Variants in MOB3B observed in about 807,000 individuals in gnomAD.
The protein encoded by MOB3B is MOB kinase activator 3B.
MOB3B carries 7 observed loss-of-function variants against 18.7 expected under a neutral mutation model. The observed-to-expected ratio is 0.37, with a 90% CI of 0.21 to 0.70. The LOEUF (loss-of-function observed/expected upper bound fraction) is 0.70, where lower values mean the gene tolerates loss of function less well. MOB3B is among the 30% of genes least tolerant of loss of function. The probability of loss-of-function intolerance (pLI) is 0.52; values close to 1 mark genes in which losing one functional copy is unlikely to be tolerated. For synonymous variants in MOB3B, 111 were observed against 99.9 expected (o/e 1.11, Z -0.66); for missense variants, 253 against 281.3 (o/e 0.90, Z 0.72).
chr9:27,402,902 G>A (rs376247558), intron 2 of MOB3B, among the ~76,000 whole-genome samples: 12 of 152,354 alleles, frequency 7.9e-5, no homozygotes, highest in African/African-American at 2.6e-4. Flanking sequence ...ATTGTGCGAT[G>A]AGCCTTTAGC....
chr9:27,445,509 C>T (rs185278260), intron 2 of MOB3B, among the ~76,000 whole-genome samples: 84 of 152,264 alleles, frequency 5.5e-4, no homozygotes, highest in African/African-American at 2.0e-3. Flanking sequence ...TCTGGTACCT[C>T]GTTGACACAT....
chr9:27,515,633 G>A (rs1263791855), intron 1 of MOB3B, among the ~76,000 whole-genome samples: 2 of 152,146 alleles, frequency 1.3e-5, no homozygotes, highest in African/African-American at 4.8e-5. Flanking sequence ...GACAATGTCT[G>A]GCTTATCATG....
chr9:27,374,670 T>C (rs1821466871), intron 2 of MOB3B, among the ~76,000 whole-genome samples: 1 of 152,092 alleles, frequency 6.6e-6, no homozygotes, highest in Non-Finnish European at 1.5e-5. Context: ...CACAGGACTG[T>C]CTTCTTTGGA....
At chr9:27,450,019 C>G (rs186863361) in intron 2 of MOB3B, among the ~76,000 whole-genome samples, 1 of 151,400 alleles carries the variant, frequency 6.6e-6, no homozygotes, top group Non-Finnish European at 1.5e-5. Flanking sequence ...AATGTAAAGG[C>G]CAATCATAAA....
At chr9:27,385,382 G>C (rs576220334) in intron 2 of MOB3B, among the ~76,000 whole-genome samples, 2 of 152,138 alleles carry the variant, frequency 1.3e-5, no homozygotes, top group African/African-American at 4.8e-5. Context: ...TAAGATAAAC[G>C]GAGGAGGTAG....
chr9:27,391,383 G>A (rs1297950162), intron 2 of MOB3B, among the ~76,000 whole-genome samples: 1 of 152,192 alleles, frequency 6.6e-6, no homozygotes, highest in Non-Finnish European at 1.5e-5. Flanking sequence ...AGGTCCCTAG[G>A]GGAAGGGGGC....
Position 27,438,678 on chromosome 9 carries a change from G to C in MOB3B, c.418+16455C>G, listed in dbSNP as rs73646505. Among the ~76,000 whole-genome samples, 1,461 of 152,276 alleles carry C rather than the reference G, an allele frequency of 9.6e-3. 28 individuals are homozygous for C. Among genetic ancestry groups the C allele is most frequent in the African/African-American group, 0.033 (1,355 of 41,556 alleles). On this transcript the variant is annotated intron_variant, in intron 2 of 3. Coordinates refer to ENST00000262244, the MANE Select transcript of MOB3B (RefSeq NM_024761.5). ...AGCTGCTGGATAGCACCGTTGGGAG[G>C]ACAAGGAGCTGCAAGAGATGAAACG...
intron 2 of MOB3B, among the ~76,000 whole-genome samples, chr9:27,384,475 C>T (rs1821623426): frequency 6.6e-6 from 1 of 152,136 alleles, no homozygotes; most frequent in African/African-American, 2.4e-5. Context: ...AACTAGCTGG[C>T]ACACCCCTCA....
At chr9:27,485,725 A>C (rs558712327) in intron 1 of MOB3B, among the ~76,000 whole-genome samples, 1 of 152,246 alleles carries the variant, frequency 6.6e-6, no homozygotes, top group East Asian at 1.9e-4. Flanking sequence ...CATGATATCA[A>C]TTTTTCCCCC....
chr9:27,482,796 T>C (rs571350091), intron 1 of MOB3B, among the ~76,000 whole-genome samples: 1 of 152,324 alleles, frequency 6.6e-6, no homozygotes, highest in East Asian at 1.9e-4. Context: ...TTGGTTGTAC[T>C]CTGCAAAAAT....
At chr9:27,334,854 G>A (rs117072119) in intron 3 of MOB3B, among the ~76,000 whole-genome samples, 1,954 of 150,970 alleles carry the variant, frequency 0.013, 15 homozygotes, top group Non-Finnish European at 0.023. Flanking sequence ...ATGGAGTCTC[G>A]CTTTGTTCCC....
At chr9:27,479,154 C>G (rs1293539058) in intron 1 of MOB3B, among the ~76,000 whole-genome samples, 2 of 152,160 alleles carry the variant, frequency 1.3e-5, no homozygotes, top group African/African-American at 4.8e-5. Flanking sequence ...CCTCACAGGT[C>G]TGGAGGCTGG....
chr9:27,391,260 C>G (rs925092271), intron 2 of MOB3B, among the ~76,000 whole-genome samples: 2 of 152,178 alleles, frequency 1.3e-5, no homozygotes, highest in Non-Finnish European at 2.9e-5. Context: ...CTACCTCTCA[C>G]CTCAGCAGAT....
At position 27,455,456 on chromosome 9, in the gene MOB3B, T is replaced by C; in HGVS notation, c.95A>G (p.Lys32Arg). Residue 32 changes from lysine (K) to arginine (R), a missense_variant, in exon 2 of 4, where the codon AAA (lysine) becomes AGA (arginine). Lys to Arg is a conservative substitution (Grantham distance 26, BLOSUM62 2). Transcript: ENST00000262244. ...CGAGTTGAGGGATGCCTGAGCCCGTTTGTGCAGCTCAAACCTCTGTGTGCC... is the reference window on the plus strand; with the variant it reads ...CGAGTTGAGGGATGCCTGAGCCCGTCTGTGCAGCTCAAACCTCTGTGTGCC... Reference protein sequence around the residue: ...EPGTQRFELHKRAQASLNSGV... With the variant: ...EPGTQRFELHRRAQASLNSGV... 6.2e-7 allele frequency: 1 copy of C among 1,614,218 alleles called. No individual in the cohort carries two copies.
rs376905129 is a variant in MOB3B, at chr9:27,482,188, C to T, written c.-198-26440G>A. Among the ~76,000 whole-genome samples, 4 of 152,304 alleles carry T rather than the reference C, an allele frequency of 2.6e-5. No homozygotes were observed. The East Asian group carries it at 5.8e-4, about 22-fold the overall frequency. ...ACTGTGATCCCCACCCTGTAATTTC[C>T]GCCCTGTTCAACCTTATCATTTGGC... On this transcript the variant is annotated intron_variant, in intron 1 of 3. Coordinates refer to ENST00000262244, the MANE Select transcript of MOB3B (RefSeq NM_024761.5).
chr9:27,464,440 T>C (rs897406746), intron 1 of MOB3B, among the ~76,000 whole-genome samples: 1 of 152,174 alleles, frequency 6.6e-6, no homozygotes, highest in Non-Finnish European at 1.5e-5. Context: ...ATATAATAAA[T>C]CTAATGCAAT....
intron 1 of MOB3B, chr9:27,526,614 A>C (rs1312556063): frequency 6.6e-6 from 1 of 152,214 alleles, no homozygotes. Context: ...TTCAGTTAAT[A>C]TACATTTTCT....
At chr9:27,412,102 G>C (rs780467183) in intron 2 of MOB3B, among the ~76,000 whole-genome samples, 10 of 151,816 alleles carry the variant, frequency 6.6e-5, no homozygotes, top group African/African-American at 1.2e-4. Flanking sequence ...CATAATGTGT[G>C]GAAGGAGAAT....
At chr9:27,459,213 C>A (rs1212407262) in intron 1 of MOB3B, among the ~76,000 whole-genome samples, 1 of 152,076 alleles carries the variant, frequency 6.6e-6, no homozygotes, top group East Asian at 1.9e-4. Flanking sequence ...CCCAGAGCCC[C>A]CTTGGGACCC....
Sources: allele counts gnomAD v4.1 joint callset (sites outside exome capture counted in the v4.1 genomes callset), GRCh38; gene constraint gnomAD v4.1.1; transcripts MANE v1.5; gene names NCBI Gene and HGNC (gene_info 2026-07-23, HGNC 2026-07-21).